Variants in MYH9 observed in about 807,000 individuals in gnomAD.
MYH9 encodes the protein myosin heavy chain 9.
Under a neutral mutation model 241.9 loss-of-function variants are expected in MYH9, and 29 were observed. The observed-to-expected ratio is 0.12, with a 90% CI of 0.09 to 0.16. The LOEUF is 0.16. Ranked by LOEUF, MYH9 falls within the 10% of genes least tolerant of loss-of-function variation. The probability of loss-of-function intolerance (pLI) is 1.00; values close to 1 mark genes in which losing one functional copy is unlikely to be tolerated. For missense variants in MYH9, 1,803 were observed against 2,595.5 expected (o/e 0.69, Z 6.63); for synonymous variants, 1,047 against 1,062.6 (o/e 0.99, Z 0.29).
Position 36,306,538 on chromosome 22 carries a change from G to A in MYH9, c.1913C>T (p.Thr638Met), listed in dbSNP as rs770339677. The change falls in exon 16 of 41, where the codon ACG becomes ATG. Residue 638 changes from threonine to methionine, a missense_variant. Thr to Met is a moderately conservative substitution (Grantham distance 81). Transcript: ENST00000216181. The surrounding 1 kb of genome is among the most constrained non-coding windows in gnomAD (Gnocchi z 4.1). ...CACAGTGCGGAACATGCCCTTCCGC[G>A]TCTTGAAGGCCCCGGGCAGTGCGGT... The part of the protein sequence containing the change: ...SETALPGAFK[T>M]RKGMFRTVGQ... 1.9e-6 allele frequency: 3 copies of A among 1,614,066 alleles called. No individual in the cohort carries two copies. Among genetic ancestry groups the A allele is most frequent in the East Asian group, 2.2e-5 (1 of 44,882 alleles).
chr22:36,308,724 G>T (rs1030362031), intron 15 of MYH9: 2 of 738,204 alleles, frequency 2.7e-6, no homozygotes, highest in African/African-American at 1.9e-5. Flanking sequence ...AAGGGGGGGC[G>T]CGAGAAAACC....
In MYH9 at chr22:36,295,008, G is replaced by C. The variant is rs199800916; in HGVS notation, c.3554C>G (p.Ala1185Gly). The change falls in exon 27 of 41, where the codon GCC becomes GGC. Residue 1185 changes from alanine (A) to glycine (G), a missense_variant. Ala to Gly is a moderately conservative substitution (Grantham distance 60). This residue lies in a region of MYH9 where 876 missense variants were observed against 1,077.8 expected (regional missense o/e 0.81). Coordinates refer to ENST00000216181, the MANE Select transcript of MYH9 (RefSeq NM_002473.6). The surrounding 1 kb of genome is among the most constrained non-coding windows in gnomAD (Gnocchi z 4.1). ...CTTCTGCCTCATCTCCTGGATCTGG[G>C]CCTCGTGGGTCTTGGCCTCCTCCTC... is the stretch of plus-strand genomic sequence containing the variant. Reference protein sequence around the residue: ...TLEEEAKTHEAQIQEMRQKHS... With the variant: ...TLEEEAKTHEGQIQEMRQKHS... 3 of 1,614,160 alleles carry C rather than the reference G, an allele frequency of 1.9e-6. No individual in the cohort carries two copies. The East Asian group carries it at 6.7e-5, about 36-fold the overall frequency.
At chr22:36,298,498 T>A (rs539253570) in intron 24 of MYH9, among the ~76,000 whole-genome samples, 1 of 152,320 alleles carries the variant, frequency 6.6e-6, no homozygotes, top group Admixed American at 6.5e-5. Flanking sequence ...GTCCCCTTTT[T>A]AGGTAAAACT....
At chr22:36,315,062 G>A (rs1356087041) in intron 12 of MYH9, among the ~76,000 whole-genome samples, 1 of 152,138 alleles carries the variant, frequency 6.6e-6, no homozygotes, top group African/African-American at 2.4e-5. Flanking sequence ...GGGATTACAG[G>A]AGTGAGCCAC....
At chr22:36,340,476 C>A (rs1444107897) in intron 3 of MYH9, among the ~76,000 whole-genome samples, 1 of 151,738 alleles carries the variant, frequency 6.6e-6, no homozygotes, top group Non-Finnish European at 1.5e-5. Context: ...GCCTGGCCAA[C>A]ATGGCAAAAC....
At chr22:36,337,694 A>C (rs1376986880) in intron 3 of MYH9, among the ~76,000 whole-genome samples, 1 of 152,224 alleles carries the variant, frequency 6.6e-6, no homozygotes, top group Admixed American at 6.5e-5. Flanking sequence ...TGTGCCTTTT[A>C]AGATGTAAGT....
chr22:36,313,472 A>AAAAAAAG (rs771935599), intron 13 of MYH9, among the ~76,000 whole-genome samples: 32 of 123,052 alleles, frequency 2.6e-4, no homozygotes, highest in Non-Finnish European at 2.8e-4. Context: ...AAAAAAAAAA[A>AAAAAAAG]AAGAAGAAAA....
chr22:36,387,547 G>A (rs1238167136), intron 1 of MYH9, among the ~76,000 whole-genome samples: 1 of 151,498 alleles, frequency 6.6e-6, no homozygotes, highest in African/African-American at 2.4e-5. Context: ...GGGCGCCGGG[G>A]AGCGCCGGGT....
intron 2 of MYH9, among the ~76,000 whole-genome samples, chr22:36,344,918 G>C (rs116282614): frequency 0.03 from 4,571 of 152,298 alleles, 221 homozygotes; most frequent in African/African-American, 0.1. Context: ...AAGAGCCAAG[G>C]AGAGAAACAG....
At chr22:36,333,682 G>C (rs567555601) in intron 3 of MYH9, among the ~76,000 whole-genome samples, 2 of 152,250 alleles carry the variant, frequency 1.3e-5, no homozygotes, top group East Asian at 3.9e-4. Flanking sequence ...GAATTACTTT[G>C]GTTCTCAACT....
At chr22:36,355,495 C>T (rs1206871027) in intron 1 of MYH9, among the ~76,000 whole-genome samples, 1 of 151,888 alleles carries the variant, frequency 6.6e-6, no homozygotes, top group African/African-American at 2.4e-5. Flanking sequence ...ACTCTCAGAT[C>T]TTTGGTTGAA....
In MYH9 at chr22:36,293,374, C is replaced by T. The variant is rs375955867; in HGVS notation, c.4050G>A (p.Glu1350=). ...SFREQLEEEE[E]AKHNLEKQIA... is the part of the protein sequence containing the mutation. ...TCTGCTTCTCCAGGTTGTGCTTGGC[C>T]TCCTCCTCCTCCTCCAGCTGCTCCC... The change falls in exon 30 of 41, where the codon GAG becomes GAA. Residue 1350 remains glutamate (E), a synonymous_variant. Coordinates refer to ENST00000216181, the MANE Select transcript of MYH9 (RefSeq NM_002473.6). The surrounding 1 kb of genome is among the most constrained non-coding windows in gnomAD (Gnocchi z 5.1). 1 of 1,609,434 alleles carries T rather than the reference C, an allele frequency of 6.2e-7. No homozygotes were observed.
intron 9 of MYH9, 121 bp from the exon 10 acceptor site, chr22:36,319,756 C>T (rs1208051389): frequency 1.0e-6 from 1 of 996,088 alleles, no homozygotes; most frequent in African/African-American, 1.6e-5. Flanking sequence ...CCCCCCAACT[C>T]CCTGGGGCCA....
At position 36,294,926 on chromosome 22, in the gene MYH9, C is replaced by T; in HGVS notation, c.3630+6G>A. 1 of 1,612,266 alleles carries T rather than the reference C, an allele frequency of 6.2e-7. No homozygotes were observed. ...CTCCCCCTGCGGTCTCAGGGAGGCT[C>T]CGCACCCGCTTCGTCTGCTCCAGCT... On this transcript the variant is annotated splice_donor_region_variant and intron_variant, in intron 27 of 40. Transcript: ENST00000216181.
In MYH9 at chr22:36,354,506, G is replaced by A. The variant is rs150155705; in HGVS notation, c.-19-5251C>T. On this transcript the variant is annotated intron_variant, in intron 1 of 40. Coordinates refer to ENST00000216181, the MANE Select transcript of MYH9 (RefSeq NM_002473.6). ...ATCACCCAGGCTGGAGTGCAGTGGC[G>A]TGATCTCAGCTCACTGCAACCTCCG... Among the ~76,000 whole-genome samples, 1,188 of 150,508 alleles carry A rather than the reference G, an allele frequency of 7.9e-3. 13 individuals are homozygous for A. The highest frequency in any genetic ancestry group is 0.027 in the African/African-American group (1,094 of 40,852).
intron 1 of MYH9, among the ~76,000 whole-genome samples, chr22:36,354,771 T>A (rs2146398826): frequency 6.6e-6 from 1 of 151,980 alleles, no homozygotes; most frequent in African/African-American, 2.4e-5. Context: ...TGAGATACAT[T>A]CCCAGGAGTG....
rs759774448 is a variant in MYH9 at position 36,300,092 on chromosome 22, C to G, written c.2976+35G>C. ...CCACACTCTCCCATCCACGGCGCCC[C>G]TGGAGCAGCGGCAGGCGACAGCCAC... On this transcript the variant is annotated intron_variant, in intron 23 of 40. Coordinates refer to ENST00000216181, the MANE Select transcript of MYH9 (RefSeq NM_002473.6). This position sits in a 1 kb window ranked among gnomAD's most constrained non-coding sequence, Gnocchi z 5.0. The G allele has an allele frequency of 1.2e-6, 2 of 1,606,298 alleles. No homozygotes were observed. Among genetic ancestry groups the G allele is most frequent in the East Asian group, 4.5e-5 (2 of 44,874 alleles).
At chr22:36,286,589 C>T in intron 35 of MYH9, 129 bp downstream of exon 35, 1 of 1,333,344 alleles carries the variant, frequency 7.5e-7, no homozygotes, top group Non-Finnish European at 1.1e-6. Flanking sequence ...CCTTATGTAA[C>T]CTGAGAGCCA....
intron 31 of MYH9, among the ~76,000 whole-genome samples, chr22:36,289,689 A>G (rs1021715741): frequency 2.0e-5 from 3 of 152,178 alleles, no homozygotes; most frequent in African/African-American, 7.2e-5. Context: ...GCTGCCAAGA[A>G]GCCTGAACCC....
Sources: gnomAD v4.1 joint callset for allele counts (sites outside exome capture counted in the v4.1 genomes callset) on GRCh38, gnomAD v4.1.1 for gene constraint, gnomAD v4.1.1 regional missense constraint, Gnocchi (gnomAD v3.1) non-coding constraint, MANE v1.5 for transcripts, NCBI Gene and HGNC (gene_info 2026-07-23, HGNC 2026-07-21) for gene names.